Variants in KRTAP9-9 observed in about 807,000 individuals in gnomAD.
KRTAP9-9 encodes the protein keratin-associated protein 9-9.
KRTAP9-9 carries 12 observed loss-of-function variants against 13.7 expected under a neutral mutation model. That is an observed-to-expected ratio of 0.88 (90% CI 0.56 to 1.42). KRTAP9-9 has a LOEUF of 1.42. Ranked by LOEUF, KRTAP9-9 falls within the 40% of genes most tolerant of loss-of-function variation. The pLI, the probability that KRTAP9-9 is intolerant of heterozygous loss-of-function variation, is 0.00. For synonymous variants in KRTAP9-9, 81 were observed against 78.1 expected (o/e 1.04, Z -0.19); for missense variants, 194 against 206.5 (o/e 0.94, Z 0.37).
At chr17:41,255,502 G>C (rs750752427) in exon 1 of KRTAP9-9, 56 of 1,612,004 alleles carry the variant, frequency 3.5e-5, no homozygotes, top group Non-Finnish European at 4.7e-5. Flanking sequence ...CCTGCTGTGT[G>C]TCTAGCTGCT....
chr17:41,255,581 T>A (rs2016304286), exon 1 of KRTAP9-9: 1 of 1,613,762 alleles, frequency 6.2e-7, no homozygotes, highest in Non-Finnish European at 8.5e-7. Flanking sequence ...CCAGCCCACC[T>A]GTCTGACCAG....
At chr17:41,255,920 T>C (rs1224655350) in exon 1 of KRTAP9-9, 14 of 1,594,144 alleles carry the variant, frequency 8.8e-6, no homozygotes, top group East Asian at 2.2e-5. Flanking sequence ...AACAACCATC[T>C]TCACACAACA....
At chr17:41,255,783 C>G (rs771162898) in exon 1 of KRTAP9-9, 1 of 1,613,682 alleles carries the variant, frequency 6.2e-7, no homozygotes, top group Non-Finnish European at 8.5e-7. Context: ...AGCTGTGGAT[C>G]CAGCTGCTGC....
chr17:41,255,760 T>C (rs779966001), exon 1 of KRTAP9-9: 1 of 1,609,386 alleles, frequency 6.2e-7, no homozygotes, highest in South Asian at 1.1e-5. Context: ...GCCTGCCTGG[T>C]TGCCTCAACC....
chr17:41,255,681 G>C, exon 1 of KRTAP9-9: 4 of 1,613,682 alleles, frequency 2.5e-6, no homozygotes, highest in Non-Finnish European at 3.4e-6. Context: ...TGTGGGTCCA[G>C]CTGTGGCCAG....
At position 41,256,038 on chromosome 17, in the gene KRTAP9-9, T is replaced by C. The variant is rs2016318567; in HGVS notation, c.*143T>C. 4 of 1,479,982 alleles carry C rather than the reference T, an allele frequency of 2.7e-6. No homozygotes were observed. In the South Asian group the frequency reaches 4.0e-5, roughly 15 times the overall value. 91.7% of individuals were successfully genotyped at this position (1,479,982 alleles called of 1,614,324 possible). A position where few individuals can be genotyped will look rare whatever the true frequency, so the allele number is the denominator to read the frequency against. On this transcript the variant is annotated 3_prime_UTR_variant, in exon 1 of 1. Coordinates refer to ENST00000394008, the Ensembl canonical transcript of KRTAP9-9. ...TGAATTCTCTGCATATTTAAAATCT[T>C]GTGAATCAGCTTGAGGGAGGGCAGA...
exon 1 of KRTAP9-9, chr17:41,255,481 C>T (rs766161681): frequency 6.3e-7 from 1 of 1,594,722 alleles, no homozygotes; most frequent in Non-Finnish European, 8.6e-7. Context: ...GCACACCCTG[C>T]TGCCAGCCCT....
chr17:41,255,403 C>T, exon 1 of KRTAP9-9: 1 of 1,261,382 alleles, frequency 7.9e-7, no homozygotes. Context: ...ACTGTTGCTC[C>T]CCTTGCTGTC....
chr17:41,255,637 C>A, exon 1 of KRTAP9-9: 1 of 1,613,786 alleles, frequency 6.2e-7, no homozygotes, highest in Non-Finnish European at 8.5e-7. Flanking sequence ...GCCAGCCCAT[C>A]TGCTGTGGGT....
In KRTAP9-9 at chr17:41,255,755, C is replaced by T. The variant is rs755934611; in HGVS notation, c.370C>T (p.Pro124Ser). 5 of 1,613,776 alleles carry T rather than the reference C, an allele frequency of 3.1e-6. No individual in the cohort carries two copies. In the South Asian group the frequency reaches 5.5e-5, roughly 18 times the overall value. Reference sequence around the variant, plus strand: ...CTACTACCCGACGACTGTCTGCCTGCCTGGTTGCCTCAACCAGAGCTGTGG... The same window carrying T: ...CTACTACCCGACGACTGTCTGCCTGTCTGGTTGCCTCAACCAGAGCTGTGG... The change falls in exon 1 of 1, where the codon CCT (proline) becomes TCT (serine). Residue 124 changes from proline (P) to serine (S), a missense_variant. By Grantham distance (74) the Pro-to-Ser change is moderately conservative (BLOSUM62 -1). Coordinates refer to ENST00000394008, the Ensembl canonical transcript of KRTAP9-9.
At chr17:41,255,395 T>C in exon 1 of KRTAP9-9, 1 of 1,591,714 alleles carries the variant, frequency 6.3e-7, no homozygotes, top group Non-Finnish European at 8.5e-7. Flanking sequence ...CATGACCCAC[T>C]GTTGCTCCCC....
exon 1 of KRTAP9-9, chr17:41,256,027 AT>A: frequency 1.6e-6 from 2 of 1,240,580 alleles, no homozygotes; most frequent in Non-Finnish European, 2.3e-6. Flanking sequence ...TTCTCTGCAT[AT>A]TTAAAATCTT....
In KRTAP9-9 at chr17:41,255,798, C is replaced by A. The variant is rs776793449; in HGVS notation, c.413C>A (p.Pro138His). 2.0e-5 allele frequency: 33 copies of A among 1,613,570 alleles called. 1 individual carries two copies. In the South Asian group the frequency reaches 3.4e-4, roughly 17 times the overall value. The change falls in exon 1 of 1, where the codon CCC becomes CAC. Residue 138 changes from proline (P) to histidine (H), a missense_variant. Physicochemically the swap from Pro to His is moderately conservative, Grantham distance 77. Transcript: ENST00000394008. ...AGCTGTGGATCCAGCTGCTGCCAGC[C>A]CTGCTGCCGCCCCGCCTGCTGTGAG...
exon 1 of KRTAP9-9, chr17:41,255,708 C>G (rs1213787085): frequency 1.2e-6 from 2 of 1,613,826 alleles, no homozygotes; most frequent in South Asian, 1.1e-5. Context: ...TCCTGTGCAC[C>G]TGTGTACTGC....
At chr17:41,255,841 C>T (rs368292401) in exon 1 of KRTAP9-9, 273 of 1,584,380 alleles carry the variant, frequency 1.7e-4, no homozygotes, top group Middle Eastern at 6.7e-4. Flanking sequence ...GCTGCAGGAC[C>T]ACTTGCTTCC....
chr17:41,256,025 A>G (rs1357616495), exon 1 of KRTAP9-9: 21 of 1,512,372 alleles, frequency 1.4e-5, no homozygotes, highest in Non-Finnish European at 1.8e-5. Context: ...AATTCTCTGC[A>G]TATTTAAAAT....
At chr17:41,255,560 ACCACCTGCTGCCAGC>A (rs1313871337) in exon 1 of KRTAP9-9, 2 of 1,613,712 alleles carry the variant, frequency 1.2e-6, no homozygotes, top group Middle Eastern at 1.7e-4. Flanking sequence ...CTGCTGCAGG[ACCACCTGCTGCCAGC>A]CCACCTGTCT....
exon 1 of KRTAP9-9, chr17:41,255,606 C>A (rs1007465826): frequency 6.2e-7 from 1 of 1,613,782 alleles, no homozygotes. Flanking sequence ...TGCCAGCCTT[C>A]CTGCTGCAGC....
rs760920868 is a variant in KRTAP9-9 at position 41,255,680 on chromosome 17, A to C, written c.295A>C (p.Ser99Arg). 3.1e-6 allele frequency: 5 copies of C among 1,613,404 alleles called. No homozygotes were observed. The South Asian group carries it at 4.4e-5, about 14-fold the overall frequency. ...CTGTGGCCAAACCAGCTGTGGGTCC[A>C]GCTGTGGCCAGAGCAGCTCCTGTGC... Residue 99 changes from serine (S) to arginine (R), a missense_variant, in exon 1 of 1, where the codon AGC (serine) becomes CGC (arginine). Ser to Arg is a moderately radical substitution (Grantham distance 110). Transcript: ENST00000394008.
Sources: gnomAD v4.1 joint callset for allele counts on GRCh38, gnomAD v4.1.1 for gene constraint, MANE v1.5 for transcripts, NCBI Gene and HGNC (gene_info 2026-07-23, HGNC 2026-07-21) for gene names.